Variants in MAN2B2 observed in about 807,000 individuals in gnomAD.
MAN2B2 encodes epididymis-specific alpha-mannosidase.
A neutral mutation model predicts 117.1 loss-of-function variants in MAN2B2; 106 were observed. That is an observed-to-expected ratio of 0.90 (90% CI 0.77 to 1.06). The LOEUF is 1.06. Ranked by LOEUF, MAN2B2 falls within the 50% of genes least tolerant of loss-of-function variation. The probability of loss-of-function intolerance (pLI) is 0.00; values close to 1 mark genes in which losing one functional copy is unlikely to be tolerated. For missense variants in MAN2B2, 1,326 were observed against 1,381.4 expected, an observed-to-expected ratio of 0.96 and a Z score of 0.64; for synonymous variants, 544 against 595.1, an observed-to-expected ratio of 0.91 and a Z score of 1.25.
chr4:6,604,253 CAA>C (rs1465435609), intron 10 of MAN2B2, among the ~76,000 whole-genome samples: 2 of 152,136 alleles, frequency 1.3e-5, no homozygotes, highest in African/African-American at 4.8e-5. Context: ...TTGCAGCAGA[CAA>C]GAGTCTCGAA....
chr4:6,621,136 C>A, intron 18 of MAN2B2, 52 bp from the exon 19 acceptor site: 1 of 1,357,938 alleles, frequency 7.4e-7, no homozygotes. Flanking sequence ...GAGAGGGAGG[C>A]TGGGAGGAGG....
Position 6,614,333 on chromosome 4 carries a change from G to A in MAN2B2, c.2679G>A (p.Glu893=), listed in dbSNP as rs1711749289. ...GGCGCTACAGCTCCAACCACACGGA[G>A]CACTCTCAGAATCTCCGGAAAGGTG... ...PGWRYSSNHT[E]HSQNLRKGHR... Residue 893 remains glutamate (E), a synonymous_variant, in exon 16 of 19, where the codon GAG becomes GAA. Coordinates refer to ENST00000285599, the MANE Select transcript of MAN2B2 (RefSeq NM_015274.3). The A allele has an allele frequency of 6.2e-7, 1 of 1,613,930 alleles. No individual in the cohort carries two copies. Among genetic ancestry groups the A allele is most frequent in the African/African-American group, 1.3e-5 (1 of 74,894 alleles).
chr4:6,579,808 G>A (rs146064349), intron 3 of MAN2B2, among the ~76,000 whole-genome samples: 27 of 152,310 alleles, frequency 1.8e-4, no homozygotes, highest in Admixed American at 1.4e-3. Context: ...CCACAGTGCC[G>A]TGGGGCACTC....
intron 13 of MAN2B2, among the ~76,000 whole-genome samples, 181 bp from the exon 14 acceptor site, chr4:6,610,696 CTGT>C (rs1482679427): frequency 3.9e-5 from 6 of 152,216 alleles, no homozygotes; most frequent in Non-Finnish European, 7.3e-5. Flanking sequence ...GTCAGCTGAG[CTGT>C]ATGCTAGGAA....
chr4:6,588,904 C>T (rs900048480), intron 4 of MAN2B2, 141 bp from the exon 5 acceptor site: 11 of 636,586 alleles, frequency 1.7e-5, no homozygotes, highest in African/African-American at 5.5e-5. Context: ...TAGACGGAAA[C>T]GGCAGGGGAG....
intron 7 of MAN2B2, 83 bp downstream of exon 7, chr4:6,594,815 C>A: frequency 7.2e-7 from 1 of 1,393,468 alleles, no homozygotes; most frequent in Non-Finnish European, 9.9e-7. Context: ...TCAGTGGCTG[C>A]TCGGCACTGC....
intron 3 of MAN2B2, among the ~76,000 whole-genome samples, chr4:6,580,977 G>A (rs1382504751): frequency 6.6e-6 from 1 of 152,204 alleles, no homozygotes; most frequent in African/African-American, 2.4e-5. Context: ...GCTGTTGTGA[G>A]GCTCCATTTC....
chr4:6,575,387 A>C (rs762121852), intron 1 of MAN2B2, 39 bp downstream of exon 1: 1 of 1,422,150 alleles, frequency 7.0e-7, no homozygotes, highest in Non-Finnish European at 9.3e-7. Context: ...CTGAGGCTGC[A>C]GCTTCCCTCT....
intron 15 of MAN2B2, among the ~76,000 whole-genome samples, chr4:6,613,687 GGGAA>G (rs1242845297): frequency 2.0e-4 from 28 of 137,028 alleles, no homozygotes; most frequent in Non-Finnish European, 3.0e-4. Flanking sequence ...GAAGGAAGGA[GGGAA>G]GGAAGGAAGG....
At chr4:6,577,355 T>C (rs1001241948) in intron 2 of MAN2B2, among the ~76,000 whole-genome samples, 1 of 152,128 alleles carries the variant, frequency 6.6e-6, no homozygotes, top group East Asian at 1.9e-4. Flanking sequence ...AGGACGATAC[T>C]CGGGGGTTCT....
At chr4:6,603,677 C>T (rs978566330) in intron 10 of MAN2B2, among the ~76,000 whole-genome samples, 1 of 152,078 alleles carries the variant, frequency 6.6e-6, no homozygotes, top group Non-Finnish European at 1.5e-5. Context: ...ATCCCACTGC[C>T]TGGGGCATCT....
At chr4:6,600,586 T>C in intron 9 of MAN2B2, 37 bp from the exon 10 acceptor site, 4 of 1,605,732 alleles carry the variant, frequency 2.5e-6, no homozygotes, top group Non-Finnish European at 3.4e-6. Context: ...AGAAGGTGAG[T>C]CACATGGCAC....
chr4:6,605,006 A>G (rs770720895), intron 10 of MAN2B2, 49 bp from the exon 11 acceptor site: 1 of 1,578,746 alleles, frequency 6.3e-7, no homozygotes, highest in South Asian at 1.1e-5. Flanking sequence ...CCCATTCCAG[A>G]AAGTGTGAGA....
chr4:6,606,349 G>T (rs1727545553), intron 11 of MAN2B2, among the ~76,000 whole-genome samples: 1 of 152,226 alleles, frequency 6.6e-6, no homozygotes, highest in Non-Finnish European at 1.5e-5. Flanking sequence ...GCAGGTGCAG[G>T]GGTGACAGCA....
intron 11 of MAN2B2, 125 bp from the exon 12 acceptor site, chr4:6,608,976 GCTGAGT>G: frequency 1.3e-6 from 1 of 752,722 alleles, no homozygotes; most frequent in Non-Finnish European, 2.1e-6. Flanking sequence ...TTCTAGATGA[GCTGAGT>G]CACATGGCCT....
intron 9 of MAN2B2, among the ~76,000 whole-genome samples, chr4:6,599,628 A>G (rs1577285492): frequency 1.4e-5 from 2 of 145,420 alleles, no homozygotes; most frequent in African/African-American, 2.6e-5. Flanking sequence ...GCACCACTGC[A>G]CTCCAGCCTG....
chr4:6,620,202 A>G, intron 18 of MAN2B2, 158 bp downstream of exon 18: 1 of 594,178 alleles, frequency 1.7e-6, no homozygotes, highest in Non-Finnish European at 3.0e-6. Flanking sequence ...CAAATCTACT[A>G]CAGTCGGTTA....
chr4:6,589,194 A>C, intron 5 of MAN2B2, 34 bp downstream of exon 5: 16 of 1,515,456 alleles, frequency 1.1e-5, no homozygotes, highest in Admixed American at 1.7e-5. Flanking sequence ...TTGGGATCTC[A>C]GACAGCAGGG....
Position 6,576,281 on chromosome 4 carries a change from G to A in MAN2B2, c.139-297G>A, listed in dbSNP as rs545535165. Reference sequence around the variant, plus strand: ...CCAGCCCCCCAAATTGCACACTCAAGGCCCAGCTTGCTCACCCCTCTGAGA... The same window carrying A: ...CCAGCCCCCCAAATTGCACACTCAAAGCCCAGCTTGCTCACCCCTCTGAGA... On this transcript the variant is annotated intron_variant, in intron 1 of 18. Coordinates refer to ENST00000285599, the MANE Select transcript of MAN2B2 (RefSeq NM_015274.3). 2.0e-5 allele frequency among the ~76,000 whole-genome samples: 3 copies of A among 152,298 alleles called. No homozygotes were observed. The South Asian group carries it at 6.2e-4, about 32-fold the overall frequency.
Sources: allele counts gnomAD v4.1 joint callset (sites outside exome capture counted in the v4.1 genomes callset), GRCh38; gene constraint gnomAD v4.1.1; transcripts MANE v1.5; gene names NCBI Gene and HGNC (gene_info 2026-07-23, HGNC 2026-07-21).